Variants in DGKK observed in about 807,000 individuals in gnomAD.
The protein encoded by DGKK is 142 kDa diacylglycerol kinase.
Under a neutral mutation model 92.2 loss-of-function variants are expected in DGKK, and 35 were observed. The ratio of observed to expected loss-of-function variants is 0.38; its 90% confidence interval spans 0.29 to 0.50. The LOEUF (loss-of-function observed/expected upper bound fraction) is 0.50. Ranked by LOEUF, DGKK falls within the 20% of genes least tolerant of loss-of-function variation. DGKK has a pLI of 0.92. For missense variants in DGKK, 910 were observed against 992.2 expected, an observed-to-expected ratio of 0.92 and a Z score of 1.11; for synonymous variants, 368 against 360.6, an observed-to-expected ratio of 1.02 and a Z score of -0.23.
intron 4 of DGKK, among the ~76,000 whole-genome samples, chrX:50,405,148 G>A (rs1324897789): frequency 5.4e-5 from 6 of 112,092 alleles, no homozygotes; most frequent in Non-Finnish European, 3.8e-5. Flanking sequence ...ACATGGAGTG[G>A]CATTCTTTTT....
At position 50,407,430 on chromosome X, in the gene DGKK, C is replaced by T. The variant is rs782433540; in HGVS notation, c.943-3246G>A. ...TTCCTTCCTAGCTTGTAGAAGGCCA[C>T]CTTCTCACTGTGTACTCTTGTGGTT... On this transcript the variant is annotated intron_variant, in intron 4 of 27. Transcript: ENST00000611977. Among the ~76,000 whole-genome samples the T allele has an allele frequency of 1.3e-3, 147 of 111,303 alleles. 1 individual carries two copies. Among genetic ancestry groups the T allele is most frequent in the Non-Finnish European group, 1.6e-3 (86 of 53,031 alleles).
At chrX:50,388,306 T>A (rs1557225183) in intron 13 of DGKK, among the ~76,000 whole-genome samples, 3 of 112,143 alleles carry the variant, frequency 2.7e-5, no homozygotes, top group Admixed American at 9.4e-5. Flanking sequence ...TCTTCCCAAA[T>A]CTCTGGCTTG....
Position 50,447,382 on chromosome X carries a change from TAA to T in DGKK, c.645+22650_645+22651del, listed in dbSNP as rs1491294187. Among the ~76,000 whole-genome samples, 40 of 12,496 alleles carry T rather than the reference TAA, an allele frequency of 3.2e-3. 2 individuals are homozygous for T. The highest frequency in any genetic ancestry group is 0.025 in the African/African-American group (39 of 1,573). The allele number at this position is 12,496 out of a possible 115,157, so 10.9% of individuals were successfully genotyped here. On this transcript the variant is annotated intron_variant, in intron 1 of 27. Transcript: ENST00000611977. ...AATATATATATATTATATATATATA[TAA>T]TATATATATATTATATATATATATA...
At chrX:50,462,257 C>CA (rs1252306060) in intron 1 of DGKK, among the ~76,000 whole-genome samples, 1 of 110,755 alleles carries the variant, frequency 9.0e-6, no homozygotes, top group Non-Finnish European at 1.9e-5. Context: ...AGCGGGAAGC[C>CA]AGCCTGGGAT....
At chrX:50,395,697 C>T (rs1200034113) in intron 8 of DGKK, among the ~76,000 whole-genome samples, 3 of 109,611 alleles carry the variant, frequency 2.7e-5, no homozygotes, top group African/African-American at 1.0e-4. Flanking sequence ...CATAATTTGG[C>T]TCCTAAAGAT....
intron 3 of DGKK, 45 bp downstream of exon 3, chrX:50,422,401 C>T (rs782244061): frequency 2.9e-6 from 3 of 1,038,754 alleles, no homozygotes. Context: ...ATCTTCCCAG[C>T]TAGCCCCTAC....
intron 2 of DGKK, among the ~76,000 whole-genome samples, chrX:50,422,846 A>G (rs1046070389): frequency 8.9e-6 from 1 of 112,539 alleles, no homozygotes; most frequent in Non-Finnish European, 1.9e-5. Flanking sequence ...GCTGGAAAAG[A>G]TAATGAGATG....
At chrX:50,452,050 T>A (rs1185448950) in intron 1 of DGKK, among the ~76,000 whole-genome samples, 1 of 112,103 alleles carries the variant, frequency 8.9e-6, no homozygotes, top group African/African-American at 3.2e-5. Flanking sequence ...GGCACTGAAC[T>A]AAGAACTTGA....
chrX:50,470,610 A>G lies in DGKK; in HGVS notation c.69T>C (p.Ser23=). 8.5e-7 allele frequency: 1 copy of G among 1,180,068 alleles called. No homozygotes were observed. The stretch of plus-strand genomic sequence containing the variant: ...GCGGCCAAGGCGGCGGAGGCTCTGG[A>G]GACTCAGCGGGCTGCTCTCCATCCT... ...PPQDGEQPAE[S]PEPPPPWPPP... Residue 23 remains serine, a synonymous_variant, in exon 1 of 28, where the codon TCT becomes TCC. Coordinates refer to ENST00000611977, the MANE Select transcript of DGKK (RefSeq NM_001013742.4).
intron 1 of DGKK, among the ~76,000 whole-genome samples, chrX:50,446,867 G>T (rs1557231922): frequency 9.0e-6 from 1 of 110,617 alleles, no homozygotes; most frequent in African/African-American, 3.3e-5. Flanking sequence ...ACATTTATGT[G>T]CATACATGTG....
chrX:50,470,282 A>T lies in DGKK; in HGVS notation c.397T>A (p.Ser133Thr), dbSNP rs372489920. The T allele has an allele frequency of 8.8e-5, 104 of 1,188,313 alleles. No homozygotes were observed. The highest frequency in any genetic ancestry group is 1.2e-4 in the Non-Finnish European group (103 of 886,769). ...PEPTPEPALE[S>T]VPEPAPELTP... ...AGCTCTGGGGCCGGCTCTGGGACCG[A>T]CTCTAGGGCAGGTTCTGGAGTCGGC... is the stretch of plus-strand genomic sequence containing the variant. The change falls in exon 1 of 28, where the codon TCG (serine) becomes ACG (threonine). Residue 133 changes from serine (S) to threonine (T), a missense_variant. Coordinates refer to ENST00000611977, the MANE Select transcript of DGKK (RefSeq NM_001013742.4).
intron 8 of DGKK, among the ~76,000 whole-genome samples, chrX:50,397,615 G>T (rs1924888148): frequency 8.9e-6 from 1 of 112,172 alleles, no homozygotes; most frequent in Non-Finnish European, 1.9e-5. Flanking sequence ...AGAAATCTGT[G>T]TTTTAACAAG....
intron 3 of DGKK, among the ~76,000 whole-genome samples, chrX:50,421,717 G>A (rs1169611314): frequency 8.9e-6 from 1 of 111,779 alleles, no homozygotes; most frequent in African/African-American, 3.3e-5. Flanking sequence ...CTCCTTTCAA[G>A]GGAGGATGGA....
chrX:50,382,151 A>T (rs1924429461), intron 18 of DGKK, among the ~76,000 whole-genome samples: 1 of 112,593 alleles, frequency 8.9e-6, no homozygotes, highest in African/African-American at 3.2e-5. Context: ...AACAGATCTG[A>T]AGCCACTACT....
At chrX:50,447,488 C>T (rs1451983879) in intron 1 of DGKK, among the ~76,000 whole-genome samples, 1 of 86,366 alleles carries the variant, frequency 1.2e-5, no homozygotes, top group Non-Finnish European at 2.3e-5. Context: ...GCATGACACA[C>T]CTACTTAATA....
At position 50,396,486 on chromosome X, in the gene DGKK, A is replaced by C. The variant is rs781861381; in HGVS notation, c.1412-3151T>G. Reference sequence around the variant, plus strand: ...AAGAATTGAATTAAGAAATAGGAAAAAAGAATTATGCTAATGCTGTCTATA... The same window carrying C: ...AAGAATTGAATTAAGAAATAGGAAACAAGAATTATGCTAATGCTGTCTATA... On this transcript the variant is annotated intron_variant, in intron 8 of 27. Transcript: ENST00000611977. Among the ~76,000 whole-genome samples the C allele has an allele frequency of 2.7e-5, 3 of 112,421 alleles. No homozygotes were observed. The South Asian group carries it at 1.1e-3, about 42-fold the overall frequency.
chrX:50,429,854 T>A (rs971659049), intron 1 of DGKK, among the ~76,000 whole-genome samples: 1 of 112,162 alleles, frequency 8.9e-6, no homozygotes, highest in Non-Finnish European at 1.9e-5. Flanking sequence ...CAGTCCAAGA[T>A]TGACTGGAAG....
chrX:50,375,968 C>T, intron 24 of DGKK, 56 bp downstream of exon 24: 1 of 1,159,328 alleles, frequency 8.6e-7, no homozygotes, highest in African/African-American at 1.8e-5. Context: ...CTTTCCCTTT[C>T]ATCCTCTTTC....
chrX:50,447,185 G>A (rs184195074), intron 1 of DGKK, among the ~76,000 whole-genome samples: 2,553 of 89,644 alleles, frequency 0.028, 40 homozygotes, highest in Non-Finnish European at 0.042. Flanking sequence ...TATTGTGTGT[G>A]TATATATATA....
Sources: allele counts gnomAD v4.1 joint callset (sites outside exome capture counted in the v4.1 genomes callset), GRCh38; gene constraint gnomAD v4.1.1; transcripts MANE v1.5; gene names NCBI Gene and HGNC (gene_info 2026-07-23, HGNC 2026-07-21).